The following TNS1 variants were observed in gnomAD, a reference collection of about 807,000 sequenced individuals.
The protein encoded by TNS1 is tensin 1.
Under a neutral mutation model 168.6 loss-of-function variants are expected in TNS1, and 62 were observed. The ratio of observed to expected loss-of-function variants is 0.37; its 90% CI spans 0.30 to 0.45. The LOEUF (loss-of-function observed/expected upper bound fraction) is 0.45, where lower values mean the gene tolerates loss of function less well. TNS1 is among the 20% of genes least tolerant of loss of function. The probability of loss-of-function intolerance (pLI) is 1.00; values close to 1 mark genes in which losing one functional copy is unlikely to be tolerated. For missense variants in TNS1, 2,240 were observed against 2,339.4 expected (o/e 0.96, Z 0.88); for synonymous variants, 934 against 933.2 (o/e 1.00, Z -0.02).
intron 3 of TNS1, among the ~76,000 whole-genome samples, chr2:217,935,695 G>A (rs1479388479): frequency 6.6e-6 from 1 of 152,136 alleles, no homozygotes; most frequent in Non-Finnish European, 1.5e-5. Flanking sequence ...CCTGCTGCCA[G>A]CCCCACTCTC....
chr2:217,875,763 C>T (rs77701362), intron 18 of TNS1, among the ~76,000 whole-genome samples: 4,311 of 152,286 alleles, frequency 0.028, 225 homozygotes, highest in African/African-American at 0.098. Context: ...CTCCCCTACC[C>T]AGACAAAAGC....
chr2:218,006,988 C>T (rs1398744482), upstream of TNS1, among the ~76,000 whole-genome samples: 2 of 152,120 alleles, frequency 1.3e-5, no homozygotes, highest in Admixed American at 6.5e-5. Context: ...AAGCAGAGAT[C>T]CAGTCTCTCA....
rs147930879 is a variant in TNS1 at position 217,982,702 on chromosome 2, T to C, written c.149-3900A>G. On this transcript the variant is annotated intron_variant, in intron 2 of 32. Coordinates refer to ENST00000682258, the MANE Select transcript of TNS1 (RefSeq NM_001387777.1). ...ACAGGAGTGAACCATGGACCCAGCC[T>C]GTATTTATTTTAAACCACTAAGTTT... Among the ~76,000 whole-genome samples the C allele has an allele frequency of 6.4e-3, 971 of 151,756 alleles. 7 individuals carry two copies. Among genetic ancestry groups the C allele is most frequent in the Non-Finnish European group, 9.8e-3 (666 of 68,028 alleles).
chr2:218,006,774 T>A (rs994720833), upstream of TNS1, among the ~76,000 whole-genome samples: 1 of 151,996 alleles, frequency 6.6e-6, no homozygotes, highest in East Asian at 1.9e-4. Context: ...ATATTTTATA[T>A]AAAATATTTT....
At chr2:217,955,328 CCAGGACCATGTGGGCCT>C (rs977328890) in intron 3 of TNS1, among the ~76,000 whole-genome samples, 9 of 152,230 alleles carry the variant, frequency 5.9e-5, no homozygotes, top group African/African-American at 2.2e-4. Context: ...TCCAGGGGCC[CCAGGACCATGTGGGCCT>C]CAGTTTCCCC....
At chr2:217,922,810 T>G (rs533475943) in intron 3 of TNS1, among the ~76,000 whole-genome samples, 2 of 152,310 alleles carry the variant, frequency 1.3e-5, no homozygotes, top group African/African-American at 4.8e-5. Context: ...CCTGATGCCT[T>G]GGTGCCCCCT....
rs537110893 is a variant in TNS1 at position 218,010,072 on chromosome 2, G to A, written c.96+28C>T. On this transcript the variant is annotated intron_variant, in intron 1 of 32. Coordinates refer to the TNS1 transcript ENST00000646520. Reference sequence around the variant, plus strand: ...GGGAGGGGGCGGGGGGGGGTCGGAAGGGGCCAGGTGTGGCCGAGAGCATTT... The same window carrying A: ...GGGAGGGGGCGGGGGGGGGTCGGAAAGGGCCAGGTGTGGCCGAGAGCATTT... 3 of 398,244 alleles carry A rather than the reference G, an allele frequency of 7.5e-6. No individual in the cohort carries two copies. In the Admixed American group the frequency reaches 1.3e-4, roughly 18 times the overall value. 24.7% of individuals were successfully genotyped at this position (398,244 alleles called of 1,614,324 possible).
At chr2:217,824,687 T>C (rs1298736504) in intron 22 of TNS1, among the ~76,000 whole-genome samples, 2 of 152,110 alleles carry the variant, frequency 1.3e-5, no homozygotes, top group African/African-American at 4.8e-5. Context: ...AGAGGGAGTC[T>C]CACCCACAGC....
At chr2:217,849,235 G>A (rs1947137831) in intron 18 of TNS1, 148 bp from the exon 19 acceptor site, 2 of 994,582 alleles carry the variant, frequency 2.0e-6, no homozygotes, top group South Asian at 3.4e-5. Flanking sequence ...GTGGGGAAAA[G>A]GGGAGCTGAC....
At chr2:217,895,149 A>G in intron 8 of TNS1, 93 bp from the exon 9 acceptor site, 1 of 1,302,056 alleles carries the variant, frequency 7.7e-7, no homozygotes, top group Non-Finnish European at 1.1e-6. Flanking sequence ...CCCAGAAAGG[A>G]CCGTGGCATC....
chr2:218,004,712 C>G (rs765316229), upstream of TNS1, among the ~76,000 whole-genome samples: 15 of 152,170 alleles, frequency 9.9e-5, no homozygotes, highest in Non-Finnish European at 2.1e-4. Flanking sequence ...AGTCTTTGTT[C>G]CGGTAGAGGA....
At chr2:218,015,424 G>T (rs1958748677) in intron 1 of TNS1, among the ~76,000 whole-genome samples, 1 of 152,136 alleles carries the variant, frequency 6.6e-6, no homozygotes, top group Non-Finnish European at 1.5e-5. Flanking sequence ...GAGTCCCTAA[G>T]TTCTCTTTGT....
chr2:217,974,229 C>T (rs1016580200), intron 3 of TNS1, among the ~76,000 whole-genome samples: 8 of 152,040 alleles, frequency 5.3e-5, no homozygotes, highest in South Asian at 2.1e-4. Flanking sequence ...TCAGGATGTA[C>T]GTTTGAGTTT....
At chr2:217,991,800 C>T (rs1958372772) in intron 1 of TNS1, among the ~76,000 whole-genome samples, 1 of 152,222 alleles carries the variant, frequency 6.6e-6, no homozygotes, top group South Asian at 2.1e-4. Context: ...TCCCCTGCCC[C>T]AGCCCGGAAG....
At chr2:217,894,934 T>G (rs1023041272) in intron 9 of TNS1, 72 bp downstream of exon 9, 8 of 1,415,992 alleles carry the variant, frequency 5.6e-6, no homozygotes, top group Non-Finnish European at 7.9e-6. Context: ...AAGATTATTA[T>G]GTGGGAACTC....
chr2:217,835,652 A>T (rs979368486), intron 20 of TNS1, among the ~76,000 whole-genome samples: 1 of 152,224 alleles, frequency 6.6e-6, no homozygotes, highest in Non-Finnish European at 1.5e-5. Flanking sequence ...AAATCTCCTG[A>T]GAAAAACCTT....
intron 18 of TNS1, among the ~76,000 whole-genome samples, chr2:217,864,182 C>T (rs936418575): frequency 6.6e-6 from 1 of 152,208 alleles, no homozygotes; most frequent in African/African-American, 2.4e-5. Flanking sequence ...TATCCACTCA[C>T]CGCGCTTCTG....
At chr2:217,964,593 C>A (rs1454458226) in intron 3 of TNS1, among the ~76,000 whole-genome samples, 1 of 152,164 alleles carries the variant, frequency 6.6e-6, no homozygotes, top group East Asian at 1.9e-4. Flanking sequence ...CCTGTGTGTG[C>A]TAGGATATAG....
intron 2 of TNS1, among the ~76,000 whole-genome samples, chr2:217,989,041 A>G (rs972304472): frequency 2.0e-5 from 3 of 152,214 alleles, no homozygotes; most frequent in Non-Finnish European, 4.4e-5. Context: ...AGAAAGACTC[A>G]TGAGCAAAGG....
Sources: allele counts gnomAD v4.1 joint callset (sites outside exome capture counted in the v4.1 genomes callset), GRCh38; gene constraint gnomAD v4.1.1; transcripts MANE v1.5; gene names NCBI Gene and HGNC (gene_info 2026-07-23, HGNC 2026-07-21).